CEBPZ: variants seen among roughly 807,000 people sequenced by gnomAD.
CEBPZ encodes the protein CCAAT enhancer binding protein zeta, also known as CCAAT/enhancer-binding protein zeta.
Under a neutral mutation model 104.5 loss-of-function variants are expected in CEBPZ, and 78 were observed. The ratio of observed to expected loss-of-function variants is 0.75; its 90% CI spans 0.62 to 0.90. The LOEUF (loss-of-function observed/expected upper bound fraction) is 0.90, where lower values mean the gene tolerates loss of function less well. Among genes scored for constraint, CEBPZ ranks in the 40% least tolerant of loss-of-function variants. The pLI, the probability that CEBPZ is intolerant of heterozygous loss-of-function variation, is 0.00. For synonymous variants in CEBPZ, 470 were observed against 427.0 expected (o/e 1.10, Z -1.24); for missense variants, 1,439 against 1,233.5 (o/e 1.17, Z -2.50).
chr2:37,227,683 C>A lies in CEBPZ; in HGVS notation c.1510G>T (p.Val504Leu), dbSNP rs142937301. ...YPYSQTGDDK[V>L]REQIDTLFKV... Reference sequence around the variant, plus strand: ...AACAGTGTGTCAATCTGCTCCCTTACTTTGTCATCACCAGTCTGGGAATAA... The same window carrying A: ...AACAGTGTGTCAATCTGCTCCCTTAATTTGTCATCACCAGTCTGGGAATAA... Residue 504 changes from valine to leucine, a missense_variant, in exon 2 of 16, where the codon GTA becomes TTA. Val to Leu is a conservative substitution (Grantham distance 32). Transcript: ENST00000234170. 3.1e-6 allele frequency: 5 copies of A among 1,614,206 alleles called. No homozygotes were observed. The highest frequency in any genetic ancestry group is 4.2e-6 in the Non-Finnish European group (5 of 1,180,042).
At chr2:37,211,791 G>A in intron 12 of CEBPZ, 52 bp downstream of exon 12, 1 of 1,356,232 alleles carries the variant, frequency 7.4e-7, no homozygotes, top group Non-Finnish European at 1.0e-6. Context: ...CAAACTTAAG[G>A]CTAAGGAAGT....
chr2:37,225,487 C>G (rs1664863791), intron 2 of CEBPZ, among the ~76,000 whole-genome samples: 1 of 146,700 alleles, frequency 6.8e-6, no homozygotes, highest in East Asian at 2.0e-4. Context: ...GCTGTGTCCA[C>G]TCAGAGTTGA....
chr2:37,206,448 A>C (rs1392184193), intron 13 of CEBPZ, among the ~76,000 whole-genome samples: 2 of 152,172 alleles, frequency 1.3e-5, no homozygotes, highest in African/African-American at 4.8e-5. Flanking sequence ...ACCTCTGCCT[A>C]ATGGGTTCAA....
intron 12 of CEBPZ, 123 bp from the exon 13 acceptor site, chr2:37,211,205 T>A (rs759072912): frequency 2.7e-4 from 153 of 565,158 alleles, no homozygotes; most frequent in South Asian, 8.3e-4. Context: ...TCCATGTGGG[T>A]TTTGTAATTC....
intron 2 of CEBPZ, among the ~76,000 whole-genome samples, chr2:37,224,936 A>C (rs1202518833): frequency 1.3e-5 from 2 of 152,172 alleles, no homozygotes; most frequent in Admixed American, 1.3e-4. Flanking sequence ...TATGATGTTA[A>C]ATAGAGACAG....
In CEBPZ at chr2:37,201,621, G is replaced by T; in HGVS notation, c.*143C>A. On this transcript the variant is annotated 3_prime_UTR_variant, in exon 16 of 16. Coordinates refer to ENST00000234170, the MANE Select transcript of CEBPZ (RefSeq NM_005760.3). Reference sequence around the variant, plus strand: ...AATGCTTCCACATGACTTTATAAATGAGAGCTATTTTTATTTATAGTTTAT... The same window carrying T: ...AATGCTTCCACATGACTTTATAAATTAGAGCTATTTTTATTTATAGTTTAT... 2.9e-6 allele frequency: 2 copies of T among 695,062 alleles called. No individual in the cohort carries two copies. The highest frequency in any genetic ancestry group is 1.7e-5 in the South Asian group (1 of 60,064). 43.1% of individuals were successfully genotyped at this position (695,062 alleles called of 1,614,324 possible).
intron 10 of CEBPZ, 189 bp from the exon 11 acceptor site, chr2:37,212,581 T>C (rs934825482): frequency 1.8e-6 from 1 of 542,356 alleles, no homozygotes. Context: ...CTGATCTTAG[T>C]TAAATCCCAA....
chr2:37,222,678 A>G, intron 3 of CEBPZ, 115 bp from the exon 4 acceptor site: 1 of 657,758 alleles, frequency 1.5e-6, no homozygotes, highest in Non-Finnish European at 2.4e-6. Flanking sequence ...GAAACGTGAA[A>G]GTTCTAATAA....
intron 12 of CEBPZ, chr2:37,211,377 T>A (rs1172815401): frequency 1.1e-5 from 3 of 262,418 alleles, no homozygotes; most frequent in Non-Finnish European, 2.1e-5. Context: ...TCAGAATAAG[T>A]AAGAAGAATG....
intron 5 of CEBPZ, among the ~76,000 whole-genome samples, chr2:37,218,114 A>T (rs1473139598): frequency 2.6e-5 from 4 of 151,060 alleles, no homozygotes; most frequent in Non-Finnish European, 4.4e-5. Context: ...AAAAATACAA[A>T]AAATTAGCCA....
intron 13 of CEBPZ, chr2:37,203,889 C>A (rs1295708618): frequency 6.6e-6 from 1 of 152,100 alleles, no homozygotes; most frequent in Non-Finnish European, 1.5e-5. Flanking sequence ...ATGTTGTGGG[C>A]TACATAATAT....
At position 37,223,350 on chromosome 2, in the gene CEBPZ, A is replaced by G. The variant is rs35605015; in HGVS notation, c.1701T>C (p.Leu567=). 3.7e-5 allele frequency: 59 copies of G among 1,614,092 alleles called. No homozygotes were observed. In the African/African-American group the frequency reaches 7.3e-4, roughly 20 times the overall value. Residue 567 remains leucine (L), a synonymous_variant, in exon 3 of 16, where the codon CTT becomes CTC. Transcript: ENST00000234170. ...CTTTCAGAGATTTGTAGACAAGGTT[A>G]AGAAACATAGCTTGCTTGGAACACG... ...LMTCSKQAMF[L]NLVYKSLKAD...
At chr2:37,213,821 ATAG>A (rs1558471885) in intron 10 of CEBPZ, 40 bp downstream of exon 10, 3 of 1,309,554 alleles carry the variant, frequency 2.3e-6, no homozygotes, top group South Asian at 1.2e-5. Context: ...CTATTAACAC[ATAG>A]TAGTAGATTA....
At chr2:37,210,242 G>C (rs968817138) in intron 13 of CEBPZ, 4 of 152,202 alleles carry the variant, frequency 2.6e-5, no homozygotes, top group African/African-American at 9.7e-5. Flanking sequence ...ACTGAAAGTA[G>C]AACTATCATT....
chr2:37,231,255 C>G (rs1665082306), intron 1 of CEBPZ, 157 bp downstream of exon 1: 1 of 974,576 alleles, frequency 1.0e-6, no homozygotes, highest in Non-Finnish European at 1.6e-6. Flanking sequence ...GCAGTGGAAA[C>G]CGGCGTGGGA....
At chr2:37,203,811 C>T (rs1677405614) in intron 13 of CEBPZ, 1 of 152,168 alleles carries the variant, frequency 6.6e-6, no homozygotes, top group Admixed American at 6.5e-5. Context: ...CATGTGGTTT[C>T]CTATATCTGA....
intron 10 of CEBPZ, 161 bp from the exon 11 acceptor site, chr2:37,212,553 A>G: frequency 1.7e-6 from 1 of 605,460 alleles, no homozygotes; most frequent in Non-Finnish European, 2.9e-6. Flanking sequence ...TTAATAATGT[A>G]TACAAACCTG....
At chr2:37,207,371 G>A (rs1172894899) in intron 13 of CEBPZ, among the ~76,000 whole-genome samples, 1 of 152,152 alleles carries the variant, frequency 6.6e-6, no homozygotes, top group African/African-American at 2.4e-5. Flanking sequence ...CCAGCACACG[G>A]AGCATTCTCA....
chr2:37,230,551 G>A (rs973122653), intron 1 of CEBPZ, among the ~76,000 whole-genome samples: 1 of 152,118 alleles, frequency 6.6e-6, no homozygotes, highest in Non-Finnish European at 1.5e-5. Context: ...CCTCCACCTT[G>A]AAAGTCCAGT....
Sources: gnomAD v4.1 joint callset for allele counts (sites outside exome capture counted in the v4.1 genomes callset) on GRCh38, gnomAD v4.1.1 for gene constraint, MANE v1.5 for transcripts, NCBI Gene and HGNC (gene_info 2026-07-23, HGNC 2026-07-21) for gene names.